KLC4: variants seen among roughly 807,000 people sequenced by gnomAD.
KLC4 encodes the protein kinesin-like protein 8.
A neutral mutation model predicts 77.2 loss-of-function variants in KLC4; 49 were observed. The ratio of observed to expected loss-of-function variants is 0.63; its 90% CI spans 0.50 to 0.80. KLC4 has a LOEUF of 0.80. Among genes scored for constraint, KLC4 ranks in the 30% least tolerant of loss-of-function variants. The probability of loss-of-function intolerance (pLI) is 0.00; values close to 1 mark genes in which losing one functional copy is unlikely to be tolerated. For synonymous variants in KLC4, 274 were observed against 314.5 expected, an observed-to-expected ratio of 0.87 and a Z score of 1.36; for missense variants, 669 against 793.5, an observed-to-expected ratio of 0.84 and a Z score of 1.89.
chr6:43,070,743 C>G lies in KLC4; in HGVS notation c.1033C>G (p.Leu345Val). The change falls in exon 8 of 16, where the codon CTC (leucine) becomes GTC (valine). Residue 345 changes from leucine (L) to valine (V), a missense_variant. By Grantham distance (32) the Leu-to-Val change is conservative. Transcript: ENST00000347162. ...DVAKQLNNLALLCQNQGKYEA... is the reference protein window; with the variant it reads ...DVAKQLNNLAVLCQNQGKYEA... The stretch of plus-strand genomic sequence containing the variant: ...GGCAAAACAGCTGAACAACCTGGCC[C>G]TCTTGTGCCAAAACCAGGGCAAGTA... 6.2e-7 allele frequency: 1 copy of G among 1,614,166 alleles called. No homozygotes were observed. The highest frequency in any genetic ancestry group is 8.5e-7 in the Non-Finnish European group (1 of 1,180,006).
chr6:43,074,190 G>A (rs1765864224), intron 15 of KLC4: 4 of 495,550 alleles, frequency 8.1e-6, no homozygotes, highest in African/African-American at 2.0e-5. Context: ...AATAAGGAGG[G>A]AAATAGGAAT....
rs758468225 is a variant in KLC4 at position 43,072,203 on chromosome 6, A to C, written c.1436A>C (p.Lys479Thr). ...NLGALYRRQG[K>T]LEAAETLEEC... ...GGAGCTCTGTATAGGCGCCAGGGAA[A>C]GCTGGAGGCTGCTGAGACCCTGGAG... Residue 479 changes from lysine to threonine, a missense_variant, in exon 12 of 16, where the codon AAG becomes ACG. Coordinates refer to ENST00000347162, the MANE Select transcript of KLC4 (RefSeq NM_201521.3). The C allele has an allele frequency of 6.2e-7, 1 of 1,614,188 alleles. No individual in the cohort carries two copies. The highest frequency in any genetic ancestry group is 1.3e-5 in the African/African-American group (1 of 75,046).
Position 43,074,922 on chromosome 6 carries a change from A to G in KLC4, c.*250A>G, listed in dbSNP as rs1765915986. The G allele has an allele frequency of 1.9e-6, 1 of 528,502 alleles. No homozygotes were observed. The highest frequency in any genetic ancestry group is 2.2e-5 in the South Asian group (1 of 44,544). 32.7% of individuals were successfully genotyped at this position (528,502 alleles called of 1,614,324 possible). ...CTAGCTCTGAGGCCCCAAGGTGGGT[A>G]CAAAGCAGGTATGGCCCTCAGAGAT... On this transcript the variant is annotated 3_prime_UTR_variant, in exon 16 of 16. Transcript: ENST00000347162.
intron 1 of KLC4, chr6:43,060,061 G>A: frequency 2.0e-6 from 3 of 1,518,308 alleles, no homozygotes; most frequent in Non-Finnish European, 2.7e-6. Context: ...CCAGGCCCAG[G>A]AGACCCACTC....
chr6:43,063,720 A>C (rs942704782), intron 3 of KLC4, among the ~76,000 whole-genome samples: 1 of 151,878 alleles, frequency 6.6e-6, no homozygotes, highest in African/African-American at 2.4e-5. Context: ...CGCCTGGCTA[A>C]TTTTTGTATT....
chr6:43,067,749 C>G (rs1365403746), intron 6 of KLC4, among the ~76,000 whole-genome samples: 1 of 140,390 alleles, frequency 7.1e-6, no homozygotes, highest in Non-Finnish European at 1.5e-5. Flanking sequence ...GAGCTGAGAT[C>G]GTGCCATTGC....
chr6:43,060,477 AAAG>A (rs1383786414), intron 1 of KLC4: 2 of 1,376,328 alleles, frequency 1.5e-6, no homozygotes, highest in Non-Finnish European at 9.4e-7. Flanking sequence ...TGAAGTGGTG[AAAG>A]AAGGGGTGGG....
Position 43,071,350 on chromosome 6 carries a change from G to A in KLC4, c.1231G>A (p.Val411Ile), listed in dbSNP as rs1765713961. Reference sequence around the variant, plus strand: ...CAAAGAGATCCTGACCCGTGCCCATGTACAGGAGTTTGGGTCTGTGGATGG... The same window carrying A: ...CAAAGAGATCCTGACCCGTGCCCATATACAGGAGTTTGGGTCTGTGGATGG... ...LYKEILTRAH[V>I]QEFGSVDDDH... The change falls in exon 9 of 16, where the codon GTA (valine) becomes ATA (isoleucine). Residue 411 changes from valine to isoleucine, a missense_variant. Coordinates refer to ENST00000347162, the MANE Select transcript of KLC4 (RefSeq NM_201521.3). 7 of 1,613,648 alleles carry A rather than the reference G, an allele frequency of 4.3e-6. No individual in the cohort carries two copies. Among genetic ancestry groups the A allele is most frequent in the Non-Finnish European group, 5.9e-6 (7 of 1,179,720 alleles).
At chr6:43,059,995 C>A in intron 1 of KLC4, 1 of 1,381,494 alleles carries the variant, frequency 7.2e-7, no homozygotes, top group South Asian at 1.5e-5. Flanking sequence ...ATCTCACTCT[C>A]CCAACCCTGG....
intron 8 of KLC4, 49 bp downstream of exon 8, chr6:43,070,914 A>AGG (rs1561919479): frequency 1.1e-5 from 3 of 274,144 alleles, no homozygotes; most frequent in Non-Finnish European, 1.2e-5. Flanking sequence ...AGGGGGGCAC[A>AGG]GAGGTGGGGG....
In KLC4 at chr6:43,061,314, G is replaced by C. The variant is rs372883475; in HGVS notation, c.-22G>C. The stretch of plus-strand genomic sequence containing the variant: ...GAACTCTGTTGTTTCTCCCTAGACC[G>C]GGCAAGGTCCCCCAGGCCAGGATGT... On this transcript the variant is annotated 5_prime_UTR_variant, in exon 2 of 16. Transcript: ENST00000347162. 6.2e-7 allele frequency: 1 copy of C among 1,612,014 alleles called. No homozygotes were observed. The highest frequency in any genetic ancestry group is 8.5e-7 in the Non-Finnish European group (1 of 1,179,214).
Position 43,060,269 on chromosome 6 carries a change from C to T in KLC4, c.-26+584C>T, listed in dbSNP as rs750699973. The T allele has an allele frequency of 5.6e-6, 9 of 1,613,940 alleles. No homozygotes were observed. In the South Asian group the frequency reaches 7.7e-5, roughly 14 times the overall value. ...CCTCCCTCCCCTTTCCCAGACACGCCTCTTGCTGTAGGTCTCTGGTTAAGT... is the reference window on the plus strand; with the variant it reads ...CCTCCCTCCCCTTTCCCAGACACGCTTCTTGCTGTAGGTCTCTGGTTAAGT... On this transcript the variant is annotated intron_variant, in intron 1 of 15. Coordinates refer to ENST00000347162, the MANE Select transcript of KLC4 (RefSeq NM_201521.3).
chr6:43,073,207 C>T lies in KLC4; in HGVS notation c.1630-16C>T, dbSNP rs775890252. The T allele has an allele frequency of 3.1e-6, 5 of 1,601,250 alleles. No homozygotes were observed. Among genetic ancestry groups the T allele is most frequent in the Non-Finnish European group, 3.4e-6 (4 of 1,168,560 alleles). On this transcript the variant is annotated splice_polypyrimidine_tract_variant and intron_variant, in intron 13 of 15. Coordinates refer to ENST00000347162, the MANE Select transcript of KLC4 (RefSeq NM_201521.3). ...TGGGATCCTTGTAGCTTTCATTGCT[C>T]ACTCCTTTCTGCCAGGATGGCAGTG...
At chr6:43,060,287 G>A (rs910193912) in intron 1 of KLC4, 10 of 1,613,516 alleles carry the variant, frequency 6.2e-6, no homozygotes, top group Admixed American at 1.7e-5. Context: ...GTAGGTCTCT[G>A]GTTAAGTCTC....
intron 1 of KLC4, chr6:43,060,496 T>G: frequency 9.0e-6 from 12 of 1,334,420 alleles, no homozygotes; most frequent in Non-Finnish European, 1.2e-5. Flanking sequence ...GTGGGAACGC[T>G]GGACTTCTGG....
chr6:43,066,595 A>G (rs1765446347), intron 5 of KLC4, 70 bp downstream of exon 5: 1 of 1,399,128 alleles, frequency 7.1e-7, no homozygotes, highest in African/African-American at 1.4e-5. Flanking sequence ...TTTGGCTTTC[A>G]TTTTTCCTCT....
chr6:43,073,457 C>T (rs1765828849), intron 14 of KLC4, 119 bp downstream of exon 14: 2 of 632,060 alleles, frequency 3.2e-6, no homozygotes, highest in East Asian at 6.0e-5. Context: ...TTGAGACCAG[C>T]CTGGCCAACA....
rs201689911 is a variant in KLC4, at chr6:43,070,488, C to T, written c.981+33C>T. 1.7e-3 allele frequency: 2,660 copies of T among 1,544,004 alleles called. 6 individuals are homozygous for T. The highest frequency in any genetic ancestry group is 2.3e-3 in the Non-Finnish European group (2,529 of 1,116,898). Reference sequence around the variant, plus strand: ...TGCCCTCTCTCCCTTCTTCTCTTGTCGCTGTGACCCTTCTCTACATGGCTC... The same window carrying T: ...TGCCCTCTCTCCCTTCTTCTCTTGTTGCTGTGACCCTTCTCTACATGGCTC... On this transcript the variant is annotated intron_variant, in intron 7 of 15. Transcript: ENST00000347162.
At chr6:43,068,308 C>T (rs1284384565) in intron 6 of KLC4, among the ~76,000 whole-genome samples, 2 of 148,624 alleles carry the variant, frequency 1.3e-5, no homozygotes, top group African/African-American at 2.5e-5. Flanking sequence ...CCCGTCTCTA[C>T]TAAAAATACA....
Sources: gnomAD v4.1 joint callset for allele counts (sites outside exome capture counted in the v4.1 genomes callset) on GRCh38, gnomAD v4.1.1 for gene constraint, MANE v1.5 for transcripts, NCBI Gene and HGNC (gene_info 2026-07-23, HGNC 2026-07-21) for gene names.